Variants in ZNF93 observed in about 807,000 individuals in gnomAD.
ZNF93 encodes zinc finger protein 505.
ZNF93 carries 29 observed loss-of-function variants against 45.0 expected under a neutral mutation model. The observed-to-expected ratio is 0.64, with a 90% confidence interval of 0.48 to 0.88. The LOEUF is 0.88. Ranked by LOEUF, ZNF93 falls within the 40% of genes least tolerant of loss-of-function variation. ZNF93 has a pLI of 0.00. For synonymous variants in ZNF93, 223 were observed against 244.6 expected, an observed-to-expected ratio of 0.91 and a Z score of 0.82; for missense variants, 578 against 724.0, an observed-to-expected ratio of 0.80 and a Z score of 2.31.
At position 19,933,525 on chromosome 19, in the gene ZNF93, A is replaced by C. The variant is rs754642799; in HGVS notation, c.570A>C (p.Thr190=). 6 of 1,606,762 alleles carry C rather than the reference A, an allele frequency of 3.7e-6. No individual in the cohort carries two copies. In the Admixed American group the frequency reaches 8.6e-5, roughly 23 times the overall value. ...KAFNQFSTLI[T]HKKIHTGEKP... is the part of the protein sequence containing the mutation. ...TTAACCAGTTCTCAACCCTTATAAC[A>C]CATAAGAAAATTCATACTGGAGAGA... is the stretch of plus-strand genomic sequence containing the variant. Residue 190 remains threonine (T), a synonymous_variant, in exon 4 of 4, where the codon ACA becomes ACC. Coordinates refer to ENST00000343769, the MANE Select transcript of ZNF93 (RefSeq NM_031218.4).
intron 2 of ZNF93, among the ~76,000 whole-genome samples, chr19:19,915,830 A>G (rs536176178): frequency 2.6e-5 from 4 of 152,288 alleles, no homozygotes; most frequent in African/African-American, 9.6e-5. Context: ...TGACAGAGCA[A>G]GATTACTTCT....
At chr19:19,904,798 T>C (rs1214448701) in intron 1 of ZNF93, among the ~76,000 whole-genome samples, 1 of 150,116 alleles carries the variant, frequency 6.7e-6, no homozygotes, top group Non-Finnish European at 1.5e-5. Flanking sequence ...GAGAGATGAC[T>C]GAAAACTTAG....
chr19:19,933,495 A>T lies in ZNF93; in HGVS notation c.540A>T (p.Lys180Asn). 1 of 1,607,062 alleles carries T rather than the reference A, an allele frequency of 6.2e-7. No homozygotes were observed. The highest frequency in any genetic ancestry group is 8.5e-7 in the Non-Finnish European group (1 of 1,177,966). ...CTTTCAAATGCATAGAATGTGGCAA[A>T]GCTTTTAACCAGTTCTCAACCCTTA... Reference protein sequence around the residue: ...KKPFKCIECGKAFNQFSTLIT... With the variant: ...KKPFKCIECGNAFNQFSTLIT... The change falls in exon 4 of 4, where the codon AAA (lysine) becomes AAT (asparagine). Residue 180 changes from lysine (K) to asparagine (N), a missense_variant. Around this residue, in one of 3 missense-constraint regions of ZNF93, gnomAD observed 446 missense variants for 547.6 expected, o/e 0.81. Coordinates refer to ENST00000343769, the MANE Select transcript of ZNF93 (RefSeq NM_031218.4).
chr19:19,921,154 T>A (rs1485886966), intron 3 of ZNF93, among the ~76,000 whole-genome samples: 1 of 151,548 alleles, frequency 6.6e-6, no homozygotes, highest in Non-Finnish European at 1.5e-5. Flanking sequence ...TTTGTTCTCA[T>A]TGGTTTCAAA....
Position 19,923,106 on chromosome 19 carries a change from G to A in ZNF93, c.226+6451G>A, listed in dbSNP as rs554638783. Among the ~76,000 whole-genome samples the A allele has an allele frequency of 5.3e-5, 8 of 152,218 alleles. No homozygotes were observed. The South Asian group carries it at 1.7e-3, about 32-fold the overall frequency. ...TTTGATGATGGTGACATACAGATGGGGTTTTGGTGTGGATGTCCTTTCTGT... is the reference window on the plus strand; with the variant it reads ...TTTGATGATGGTGACATACAGATGGAGTTTTGGTGTGGATGTCCTTTCTGT... On this transcript the variant is annotated intron_variant, in intron 3 of 3. Transcript: ENST00000343769.
In ZNF93 at chr19:19,935,246, C is replaced by T. The variant is rs920079000; in HGVS notation, c.*428C>T. 6.0e-6 allele frequency: 1 copy of T among 167,884 alleles called. No homozygotes were observed. The highest frequency in any genetic ancestry group is 1.3e-5 in the Non-Finnish European group (1 of 77,710). 10.4% of individuals were successfully genotyped at this position (167,884 alleles called of 1,614,324 possible). On this transcript the variant is annotated 3_prime_UTR_variant, in exon 4 of 4. Coordinates refer to ENST00000343769, the MANE Select transcript of ZNF93 (RefSeq NM_031218.4). ...AAGTCCTGAAGGATATTTAGTCTGT[C>T]CAAAACTAAAATGAAGATTTCAACT...
At chr19:19,925,037 C>T (rs1478277147) in intron 3 of ZNF93, among the ~76,000 whole-genome samples, 2 of 152,192 alleles carry the variant, frequency 1.3e-5, no homozygotes, top group Non-Finnish European at 2.9e-5. Flanking sequence ...TGCCTTTATT[C>T]AGGTCTCTGG....
rs553049919 is a variant in ZNF93, at chr19:19,902,949, C to A, written c.3+1858C>A. Among the ~76,000 whole-genome samples the A allele has an allele frequency of 2.6e-5, 4 of 151,732 alleles. No homozygotes were observed. The East Asian group carries it at 7.9e-4, about 30-fold the overall frequency. ...AGAGACGGGGTTTCACCGTGTGAGC[C>A]AGGATGGTCTCGATCTCATGACCTC... On this transcript the variant is annotated intron_variant, in intron 1 of 3. Coordinates refer to ENST00000343769, the MANE Select transcript of ZNF93 (RefSeq NM_031218.4).
At chr19:19,914,738 C>T in intron 1 of ZNF93, 2 of 346,928 alleles carry the variant, frequency 5.8e-6, no homozygotes, top group Non-Finnish European at 1.1e-5. Flanking sequence ...TTACAGGCCA[C>T]AAAAACTTGG....
At chr19:19,929,639 A>T (rs1268185173) in intron 3 of ZNF93, among the ~76,000 whole-genome samples, 1 of 152,174 alleles carries the variant, frequency 6.6e-6, no homozygotes, top group African/African-American at 2.4e-5. Flanking sequence ...CCCTGTGTGC[A>T]GAGATAAGAG....
At chr19:19,919,047 T>C (rs889560104) in intron 3 of ZNF93, among the ~76,000 whole-genome samples, 21 of 152,194 alleles carry the variant, frequency 1.4e-4, no homozygotes, top group Admixed American at 3.9e-4. Context: ...TCCTGAATGG[T>C]ATTGCCTAGG....
In ZNF93 at chr19:19,933,077, T is replaced by C. The variant is rs1044331497; in HGVS notation, c.227-105T>C. On this transcript the variant is annotated intron_variant, in intron 3 of 3. Coordinates refer to ENST00000343769, the MANE Select transcript of ZNF93 (RefSeq NM_031218.4). Reference sequence around the variant, plus strand: ...CATTACAGCTTGTGGTATTTTACTATGTCATCTTAGTTATGTAGTTTGTAT... The same window carrying C: ...CATTACAGCTTGTGGTATTTTACTACGTCATCTTAGTTATGTAGTTTGTAT... The C allele has an allele frequency of 1.7e-5, 15 of 901,026 alleles. No individual in the cohort carries two copies. In the African/African-American group the frequency reaches 2.2e-4, roughly 13 times the overall value. 55.8% of individuals were successfully genotyped at this position (901,026 alleles called of 1,614,324 possible). A position where few individuals can be genotyped will look rare whatever the true frequency, so the allele number is the denominator to read the frequency against.
intron 1 of ZNF93, chr19:19,909,577 A>G (rs2063302126): frequency 6.6e-6 from 1 of 152,274 alleles, no homozygotes; most frequent in Middle Eastern, 3.2e-3. Context: ...TATGATGACC[A>G]TCTTTCTGAC....
intron 3 of ZNF93, 126 bp downstream of exon 3, chr19:19,916,781 G>GT: frequency 6.2e-6 from 4 of 644,412 alleles, no homozygotes; most frequent in Non-Finnish European, 7.6e-6. Flanking sequence ...CTGGGCAGCT[G>GT]TTTTTTGTTT....
chr19:19,928,790 A>G (rs2122192389), intron 3 of ZNF93, among the ~76,000 whole-genome samples: 1 of 152,370 alleles, frequency 6.6e-6, no homozygotes, highest in East Asian at 1.9e-4. Context: ...TTAGGATTAT[A>G]GGCAAGAGCC....
chr19:19,907,031 C>T (rs2063295046), intron 1 of ZNF93, among the ~76,000 whole-genome samples: 1 of 151,030 alleles, frequency 6.6e-6, no homozygotes. Flanking sequence ...TCTCTCTTCT[C>T]TTTAGGGATT....
At chr19:19,933,117 G>A in intron 3 of ZNF93, 65 bp from the exon 4 acceptor site, 1 of 1,271,282 alleles carries the variant, frequency 7.9e-7, no homozygotes, top group South Asian at 1.9e-5. Context: ...TTATAGGTTA[G>A]ATTTGTAAAG....
In ZNF93 at chr19:19,924,337, C is replaced by T. The variant is rs189662683; in HGVS notation, c.226+7682C>T. 2.5e-4 allele frequency among the ~76,000 whole-genome samples: 38 copies of T among 152,192 alleles called. No individual in the cohort carries two copies. In the South Asian group the frequency reaches 4.8e-3, roughly 19 times the overall value. ...AACTCCTGACCTTAGATGATCCGCCCGTCTCTGCCTCCCAAAGTGCTGGGA... is the reference window on the plus strand; with the variant it reads ...AACTCCTGACCTTAGATGATCCGCCTGTCTCTGCCTCCCAAAGTGCTGGGA... On this transcript the variant is annotated intron_variant, in intron 3 of 3. Coordinates refer to ENST00000343769, the MANE Select transcript of ZNF93 (RefSeq NM_031218.4).
At chr19:19,915,015 A>C (rs959392709) in intron 1 of ZNF93, among the ~76,000 whole-genome samples, 3 of 152,260 alleles carry the variant, frequency 2.0e-5, no homozygotes, top group African/African-American at 7.2e-5. Flanking sequence ...TCAAAAATGT[A>C]CATGTTCATG....
Sources: gnomAD v4.1 joint callset for allele counts (sites outside exome capture counted in the v4.1 genomes callset) on GRCh38, gnomAD v4.1.1 for gene constraint, gnomAD v4.1.1 regional missense constraint, MANE v1.5 for transcripts, NCBI Gene and HGNC (gene_info 2026-07-23, HGNC 2026-07-21) for gene names.